The following EMX1 variants were observed in gnomAD, a reference collection of about 807,000 sequenced individuals.
The protein encoded by EMX1 is empty spiracles homeobox 1.
EMX1 carries 10 observed loss-of-function variants against 20.1 expected under a neutral mutation model. The observed-to-expected ratio is 0.50, with a 90% CI of 0.31 to 0.84. The LOEUF (loss-of-function observed/expected upper bound fraction) is 0.84. Ranked by LOEUF, EMX1 falls within the 40% of genes least tolerant of loss-of-function variation. The probability of loss-of-function intolerance (pLI) is 0.05; values close to 1 mark genes in which losing one functional copy is unlikely to be tolerated. For synonymous variants in EMX1, 250 were observed against 200.4 expected (o/e 1.25, Z -2.09); for missense variants, 424 against 431.9 (o/e 0.98, Z 0.16).
At chr2:72,922,313 C>T (rs1159529231) in intron 1 of EMX1, among the ~76,000 whole-genome samples, 1 of 152,230 alleles carries the variant, frequency 6.6e-6, no homozygotes, top group African/African-American at 2.4e-5. Flanking sequence ...ACTGGCCCCA[C>T]CCCAGAGACT....
At position 72,920,891 on chromosome 2, in the gene EMX1, AG is replaced by A. The variant is rs377038977; in HGVS notation, c.520+2524del. On this transcript the variant is annotated intron_variant, in intron 1 of 2. Transcript: ENST00000258106. ...TTCCGGGTCTAGGAGCAACGCCTGG[AG>A]GGGGCTGTAGAGACCCAGCCCCCCG... Among the ~76,000 whole-genome samples the A allele has an allele frequency of 1.9e-4, 29 of 152,268 alleles. 1 individual carries two copies. The highest frequency in any genetic ancestry group is 6.5e-4 in the African/African-American group (27 of 41,562).
Position 72,930,486 on chromosome 2 carries a change from T to C in EMX1, c.706-3301T>C, listed in dbSNP as rs1401846750. On this transcript the variant is annotated intron_variant, in intron 2 of 2. Transcript: ENST00000258106. This position sits in a 1 kb window ranked among gnomAD's most constrained non-coding sequence, Gnocchi z 4.4. Reference sequence around the variant, plus strand: ...CTGAGATGTTCACTTCACAGTGAAATGAGGACTTGGGAGACCACAAGGGAC... The same window carrying C: ...CTGAGATGTTCACTTCACAGTGAAACGAGGACTTGGGAGACCACAAGGGAC... Among the ~76,000 whole-genome samples the C allele has an allele frequency of 6.6e-6, 1 of 152,150 alleles. No individual in the cohort carries two copies. The highest frequency in any genetic ancestry group is 1.5e-5 in the Non-Finnish European group (1 of 68,022).
chr2:72,917,181 C>A (rs1180380583), upstream of EMX1: 2 of 607,810 alleles, frequency 3.3e-6, no homozygotes, highest in South Asian at 2.0e-5. Flanking sequence ...AGAACTGAAA[C>A]GACATCCCGG....
chr2:72,926,218 A>G, intron 2 of EMX1: 1 of 985,436 alleles, frequency 1.0e-6, no homozygotes, highest in Non-Finnish European at 1.2e-6. Flanking sequence ...GCTCAGTGAG[A>G]GCATTTTTAA....
At chr2:72,918,397 G>C (rs1373724754) in intron 1 of EMX1, 25 bp downstream of exon 1, 1 of 1,365,158 alleles carries the variant, frequency 7.3e-7, no homozygotes, top group Non-Finnish European at 9.4e-7. Flanking sequence ...TGTGCCCGCC[G>C]AGGCGGCCGG....
chr2:72,926,370 C>T (rs1671199880), intron 2 of EMX1: 12 of 856,524 alleles, frequency 1.4e-5, no homozygotes, highest in South Asian at 5.4e-5. Flanking sequence ...GATAGAATAA[C>T]ATAAACGTAT....
At chr2:72,919,298 TTTG>T in intron 1 of EMX1, among the ~76,000 whole-genome samples, 1 of 150,724 alleles carries the variant, frequency 6.6e-6, no homozygotes, top group East Asian at 1.9e-4. Flanking sequence ...TTTGTTGGAG[TTTG>T]TTTTTTTCTT....
intron 2 of EMX1, 115 bp downstream of exon 2, chr2:72,924,608 A>C: frequency 7.9e-7 from 1 of 1,261,958 alleles, no homozygotes; most frequent in South Asian, 1.6e-5. Flanking sequence ...GGGTTCCAAA[A>C]GGCCCCCATT....
chr2:72,920,641 A>C (rs940436735), intron 1 of EMX1, among the ~76,000 whole-genome samples: 9 of 152,210 alleles, frequency 5.9e-5, no homozygotes, highest in Non-Finnish European at 1.0e-4. Context: ...CCCCACACGA[A>C]CGAAAAGGAA....
rs897213602 is a variant in EMX1 at position 72,918,018 on chromosome 2, G to A, written c.166G>A (p.Gly56Ser). 2.1e-6 allele frequency: 3 copies of A among 1,435,254 alleles called. No individual in the cohort carries two copies. The highest frequency in any genetic ancestry group is 1.5e-5 in the African/African-American group (1 of 67,020). The allele number at this position is 1,435,254 out of a possible 1,614,324, so 88.9% of individuals were successfully genotyped here. Residue 56 changes from glycine to serine, a missense_variant, in exon 1 of 3, where the codon GGC (glycine) becomes AGC (serine). Physicochemically the swap from Gly to Ser is moderately conservative, Grantham distance 56. Transcript: ENST00000258106. ...ESLVAKDGGTGGGTGGGGAGS... is the reference protein window; with the variant it reads ...ESLVAKDGGTSGGTGGGGAGS... The stretch of plus-strand genomic sequence containing the variant: ...CTTGGTGGCCAAGGACGGCGGCACC[G>A]GCGGGGGCACTGGCGGCGGGGGCGC...
At chr2:72,923,468 C>T (rs1317856023) in intron 1 of EMX1, 1 of 152,112 alleles carries the variant, frequency 6.6e-6, no homozygotes, top group African/African-American at 2.4e-5. Flanking sequence ...CTTGGAGTCT[C>T]CAGTGTGTGT....
At chr2:72,919,304 TTTTTC>T (rs1168816211) in intron 1 of EMX1, among the ~76,000 whole-genome samples, 26 of 148,976 alleles carry the variant, frequency 1.7e-4, no homozygotes, top group African/African-American at 4.5e-4. Flanking sequence ...GGAGTTTGTT[TTTTTC>T]TTTTCTTTTT....
rs1445375388 is a variant in EMX1 at position 72,917,870 on chromosome 2, C to T, written c.18C>T (p.Cys6=). ...GGGTGTGCATGTGCCTGGCTGGGTG[C>T]ACACCCCGCAAGGCGGCGGCGCCAG... MCLAG[C]TPRKAAAPGR... The change falls in exon 1 of 3, where the codon TGC becomes TGT. Residue 6 remains cysteine, a synonymous_variant. Transcript: ENST00000258106. 6 of 1,474,262 alleles carry T rather than the reference C, an allele frequency of 4.1e-6. No individual in the cohort carries two copies. The highest frequency in any genetic ancestry group is 2.4e-5 in the Admixed American group (1 of 42,452). The allele number at this position is 1,474,262 out of a possible 1,614,324, so 91.3% of individuals were successfully genotyped here.
At chr2:72,922,443 T>TA (rs1357619906) in intron 1 of EMX1, among the ~76,000 whole-genome samples, 2 of 152,176 alleles carry the variant, frequency 1.3e-5, no homozygotes, top group African/African-American at 4.8e-5. Context: ...AAACTTCTCT[T>TA]CAGTCGGACC....
intron 1 of EMX1, among the ~76,000 whole-genome samples, chr2:72,920,531 C>T (rs1481926901): frequency 6.6e-6 from 1 of 152,194 alleles, no homozygotes. Context: ...GGCCTCTGGG[C>T]TGGGAGCCGA....
At chr2:72,933,593 C>A in intron 2 of EMX1, 194 bp from the exon 3 acceptor site, 1 of 626,350 alleles carries the variant, frequency 1.6e-6, no homozygotes, top group Non-Finnish European at 2.7e-6. Flanking sequence ...CCTCTTCCTG[C>A]CCTGCCATCC....
intron 1 of EMX1, among the ~76,000 whole-genome samples, chr2:72,919,153 T>C (rs535279302): frequency 6.7e-6 from 1 of 148,628 alleles, no homozygotes; most frequent in East Asian, 2.0e-4. Context: ...AGCAATCGGC[T>C]TGCTAATAAA....
chr2:72,917,486 G>A (rs904151809), upstream of EMX1: 23 of 187,628 alleles, frequency 1.2e-4, 1 homozygote, highest in Admixed American at 1.2e-3. Context: ...GGTGAGCGGC[G>A]GCCAATGGGC....
At chr2:72,916,487 A>G (rs1310565602), upstream of EMX1, 10 of 590,374 alleles carry the variant, frequency 1.7e-5, no homozygotes, top group Non-Finnish European at 3.0e-5. Context: ...TGCGGCCTCG[A>G]AGGTGGGGTG....
Sources: allele counts gnomAD v4.1 joint callset (sites outside exome capture counted in the v4.1 genomes callset), GRCh38; gene constraint gnomAD v4.1.1; non-coding constraint Gnocchi (gnomAD v3.1); transcripts MANE v1.5; gene names NCBI Gene and HGNC (gene_info 2026-07-23, HGNC 2026-07-21).